The following LRBA variants were observed in gnomAD, a reference collection of about 807,000 sequenced individuals.
LRBA encodes lipopolysaccharide-responsive and beige-like anchor protein.
In LRBA, 176 loss-of-function variants were observed where a neutral mutation model predicts 330.0. The observed-to-expected ratio is 0.53, with a 90% confidence interval of 0.47 to 0.60. The LOEUF (loss-of-function observed/expected upper bound fraction) is 0.60, where lower values mean the gene tolerates loss of function less well. Ranked by LOEUF, LRBA falls within the 20% of genes least tolerant of loss-of-function variation. LRBA has a pLI of 0.00. For synonymous variants in LRBA, 1,230 were observed against 1,193.0 expected (o/e 1.03, Z -0.64); for missense variants, 3,259 against 3,444.8 (o/e 0.95, Z 1.35).
intron 37 of LRBA, among the ~76,000 whole-genome samples, chr4:150,634,251 T>C (rs1455767434): frequency 6.6e-6 from 1 of 152,252 alleles, no homozygotes; most frequent in Non-Finnish European, 1.5e-5. Context: ...TTCAGTTTTG[T>C]CATTCTTCAT....
intron 37 of LRBA, among the ~76,000 whole-genome samples, chr4:150,677,311 G>A (rs999725264): frequency 1.3e-5 from 2 of 152,116 alleles, no homozygotes; most frequent in Non-Finnish European, 2.9e-5. Flanking sequence ...AAGATAGGAG[G>A]AAAGAATATC....
intron 13 of LRBA, among the ~76,000 whole-genome samples, chr4:150,902,795 C>T (rs764873888): frequency 3.3e-5 from 5 of 152,282 alleles, no homozygotes; most frequent in East Asian, 1.9e-4. Flanking sequence ...CCACGGATAA[C>T]ACCAGATTGA....
At chr4:150,286,611 C>A (rs950937798) in intron 53 of LRBA, among the ~76,000 whole-genome samples, 8 of 102,902 alleles carry the variant, frequency 7.8e-5, no homozygotes, top group Non-Finnish European at 1.1e-4. Flanking sequence ...CGAAAAAAAA[C>A]CCAATATAAG....
chr4:150,820,424 A>T (rs1224826109), intron 30 of LRBA, among the ~76,000 whole-genome samples: 1 of 152,040 alleles, frequency 6.6e-6, no homozygotes, highest in East Asian at 1.9e-4. Flanking sequence ...ACATTTAAAC[A>T]TAATTTTAGA....
At chr4:150,828,691 CTGTTT>C (rs1746654625) in intron 29 of LRBA, 70 bp from the exon 30 acceptor site, 1 of 1,295,206 alleles carries the variant, frequency 7.7e-7, no homozygotes, top group South Asian at 1.4e-5. Flanking sequence ...AAGGTATATT[CTGTTT>C]TAATAGCTAT....
chr4:150,443,853 A>ATATATATATAT (rs771939318), intron 44 of LRBA, among the ~76,000 whole-genome samples: 1 of 75,482 alleles, frequency 1.3e-5, no homozygotes, highest in Non-Finnish European at 3.0e-5. Flanking sequence ...TAATTAAAAA[A>ATATATATATAT]ATATATATAT....
chr4:150,432,973 G>T (rs1750635924), intron 46 of LRBA, among the ~76,000 whole-genome samples: 1 of 152,032 alleles, frequency 6.6e-6, no homozygotes, highest in South Asian at 2.1e-4. Flanking sequence ...AAAAATGGGG[G>T]TAATTTATCA....
intron 42 of LRBA, among the ~76,000 whole-genome samples, chr4:150,486,959 A>T (rs532498135): frequency 6.6e-6 from 1 of 151,994 alleles, no homozygotes; most frequent in Admixed American, 6.6e-5. Flanking sequence ...ATTGTAGATA[A>T]CAAGATTTCC....
At chr4:150,416,647 A>C (rs1313388830) in intron 46 of LRBA, among the ~76,000 whole-genome samples, 1 of 151,792 alleles carries the variant, frequency 6.6e-6, no homozygotes, top group African/African-American at 2.4e-5. Context: ...AAAAAAAAAA[A>C]GACCTTATTT....
chr4:150,823,689 T>C (rs754837407), intron 30 of LRBA, among the ~76,000 whole-genome samples: 151 of 152,208 alleles, frequency 9.9e-4, no homozygotes, highest in Non-Finnish European at 1.4e-3. Flanking sequence ...ATATACACTT[T>C]ACTCAGTACC....
chr4:150,572,513 C>G (rs1769998425), intron 40 of LRBA, among the ~76,000 whole-genome samples: 1 of 152,170 alleles, frequency 6.6e-6, no homozygotes, highest in Non-Finnish European at 1.5e-5. Flanking sequence ...TGGCTCATTT[C>G]TACCTTTACT....
intron 40 of LRBA, among the ~76,000 whole-genome samples, chr4:150,570,350 G>A (rs149027759): frequency 5.1e-4 from 77 of 152,050 alleles, no homozygotes; most frequent in African/African-American, 1.7e-3. Context: ...AATCATAATC[G>A]ACAGTTACAT....
intron 47 of LRBA, among the ~76,000 whole-genome samples, chr4:150,385,752 G>A (rs1189337421): frequency 6.6e-6 from 1 of 152,060 alleles, no homozygotes; most frequent in African/African-American, 2.4e-5. Flanking sequence ...AAAAAAGAGG[G>A]AGGAGAGGTT....
At chr4:150,561,665 G>A (rs1050843056) in intron 40 of LRBA, among the ~76,000 whole-genome samples, 2 of 152,092 alleles carry the variant, frequency 1.3e-5, no homozygotes, top group African/African-American at 2.4e-5. Context: ...TCCCCTAGAC[G>A]CTCTAGAAGA....
chr4:150,320,375 G>A (rs980868537), intron 50 of LRBA, among the ~76,000 whole-genome samples: 1 of 151,982 alleles, frequency 6.6e-6, no homozygotes, highest in African/African-American at 2.4e-5. Flanking sequence ...AAGAACAGAA[G>A]GTACTTACAG....
chr4:150,692,573 T>G (rs1021448559), intron 36 of LRBA, among the ~76,000 whole-genome samples: 1 of 152,100 alleles, frequency 6.6e-6, no homozygotes, highest in African/African-American at 2.4e-5. Flanking sequence ...GCAGTTAAAA[T>G]GCTCATACCA....
chr4:150,432,405 T>G (rs1750513382), intron 46 of LRBA, among the ~76,000 whole-genome samples: 2 of 150,062 alleles, frequency 1.3e-5, no homozygotes, highest in Non-Finnish European at 3.0e-5. Flanking sequence ...GATAGCTGAA[T>G]GAAATATTTA....
intron 8 of LRBA, 146 bp from the exon 9 acceptor site, chr4:150,914,487 GAA>G (rs1732359613): frequency 3.7e-6 from 2 of 545,536 alleles, no homozygotes; most frequent in South Asian, 1.1e-4. Flanking sequence ...CCATTAGAAA[GAA>G]TGTTGAAAAA....
At chr4:150,357,123 T>C (rs978948679) in intron 47 of LRBA, among the ~76,000 whole-genome samples, 1 of 152,046 alleles carries the variant, frequency 6.6e-6, no homozygotes, top group Non-Finnish European at 1.5e-5. Context: ...ACTTCTAAAC[T>C]GCCCTTGAAC....
Sources: allele counts gnomAD v4.1 joint callset (sites outside exome capture counted in the v4.1 genomes callset), GRCh38; gene constraint gnomAD v4.1.1; transcripts MANE v1.5; gene names NCBI Gene and HGNC (gene_info 2026-07-23, HGNC 2026-07-21).